The following ERAP1 variants were observed in gnomAD, a reference collection of about 807,000 sequenced individuals.
The protein encoded by ERAP1 is adipocyte-derived leucine aminopeptidase.
ERAP1 carries 86 observed loss-of-function variants against 103.7 expected under a neutral mutation model. The observed-to-expected ratio is 0.83, with a 90% CI of 0.70 to 0.99. The LOEUF (loss-of-function observed/expected upper bound fraction) is 0.99. Among genes scored for constraint, ERAP1 ranks in the 50% least tolerant of loss-of-function variants. ERAP1 has a pLI of 0.00. For synonymous variants in ERAP1, 398 were observed against 402.4 expected (o/e 0.99, Z 0.13); for missense variants, 1,009 against 1,128.4 (o/e 0.89, Z 1.52).
At chr5:96,917,533 G>A in the ERAP1 span, 6 of 1,613,732 alleles carry the variant, frequency 3.7e-6, no homozygotes, top group South Asian at 2.2e-5. Context: ...TTCTGGAAAC[G>A]ATAACCAAAA....
chr5:96,787,404 T>C (rs1262756468), intron 11 of ERAP1, among the ~76,000 whole-genome samples: 1 of 152,162 alleles, frequency 6.6e-6, no homozygotes, highest in Non-Finnish European at 1.5e-5. Flanking sequence ...TAGCTGGGAC[T>C]ACAGGCGCCC....
At chr5:96,880,182 T>C in the ERAP1 span, 2 of 1,614,094 alleles carry the variant, frequency 1.2e-6, no homozygotes, top group South Asian at 1.1e-5. Context: ...TATGTGGCTA[T>C]GGACTTCCAA....
At chr5:96,925,042 C>G in the ERAP1 span, among the ~76,000 whole-genome samples, 1 of 152,158 alleles carries the variant, frequency 6.6e-6, no homozygotes, top group Non-Finnish European at 1.5e-5. Context: ...GGCTTAGATG[C>G]CAACTCAACA....
At chr5:96,764,428 A>T (rs1289094633) in intron 19 of ERAP1, among the ~76,000 whole-genome samples, 1 of 152,102 alleles carries the variant, frequency 6.6e-6, no homozygotes. Flanking sequence ...GTTGTCCATA[A>T]TTTTTTTCCT....
chr5:96,796,883 C>G (rs182387458), intron 4 of ERAP1, among the ~76,000 whole-genome samples: 1 of 152,170 alleles, frequency 6.6e-6, no homozygotes. Context: ...GCCTCAAACT[C>G]CTGGGCTCAA....
At chr5:96,875,314 C>T in the ERAP1 span, among the ~76,000 whole-genome samples, 6 of 151,984 alleles carry the variant, frequency 3.9e-5, no homozygotes, top group African/African-American at 1.5e-4. Flanking sequence ...GCAGAAGGAT[C>T]ACTTGAGCCT....
chr5:96,913,377 T>G, the ERAP1 span: 1 of 1,614,060 alleles, frequency 6.2e-7, no homozygotes, highest in East Asian at 2.2e-5. Flanking sequence ...CAGCTCTCCT[T>G]CATGCGATTG....
At chr5:96,802,497 C>T (rs1362960338) in intron 2 of ERAP1, among the ~76,000 whole-genome samples, 1 of 152,058 alleles carries the variant, frequency 6.6e-6, no homozygotes, top group East Asian at 1.9e-4. Flanking sequence ...TACTTTCTTA[C>T]CTTGATAAAA....
rs1451468242 is a variant in ERAP1, at chr5:96,776,320, C to CCAT, written c.*73_*75dup. 8 of 1,554,282 alleles carry CCAT rather than the reference C, an allele frequency of 5.1e-6. No homozygotes were observed. The highest frequency in any genetic ancestry group is 6.1e-6 in the Non-Finnish European group (7 of 1,152,366). On this transcript the variant is annotated 3_prime_UTR_variant, in exon 19 of 19. Transcript: ENST00000443439. ...GTATCTCCAGTTGGAGCCAAAACAG[C>CCAT]CATCTCTAGTTTGAAAATACACTCA...
intron 2 of ERAP1, among the ~76,000 whole-genome samples, chr5:96,801,575 T>A (rs1174578974): frequency 6.6e-6 from 1 of 151,510 alleles, no homozygotes; most frequent in Non-Finnish European, 1.5e-5. Flanking sequence ...AAATATGTAA[T>A]CCTAAAAATG....
intron 4 of ERAP1, among the ~76,000 whole-genome samples, chr5:96,795,850 G>A (rs1379888171): frequency 6.6e-6 from 1 of 152,120 alleles, no homozygotes; most frequent in Non-Finnish European, 1.5e-5. Flanking sequence ...ATAAGCAAGA[G>A]CCAGCAGAAA....
the ERAP1 span, among the ~76,000 whole-genome samples, chr5:96,921,830 C>T: frequency 6.6e-6 from 1 of 152,132 alleles, no homozygotes; most frequent in African/African-American, 2.4e-5. Context: ...CTCATTCCTC[C>T]GTAAGGAATT....
At chr5:96,878,010 T>C in the ERAP1 span, among the ~76,000 whole-genome samples, 4 of 152,246 alleles carry the variant, frequency 2.6e-5, no homozygotes. Context: ...ACCTTCATGG[T>C]TTGAGTTGGA....
chr5:96,780,984 T>TACAA, intron 17 of ERAP1, 74 bp downstream of exon 17: 1 of 1,563,562 alleles, frequency 6.4e-7, no homozygotes, highest in Non-Finnish European at 8.8e-7. Context: ...ACTGTTCTTT[T>TACAA]ACAAACAGCA....
exon 20 of ERAP1, chr5:96,762,323 A>G (rs77824911): frequency 1.2e-6 from 2 of 1,608,744 alleles, no homozygotes; most frequent in East Asian, 4.5e-5. Context: ...GTGGTTTCCC[A>G]AACCCCAGCT....
At chr5:96,790,463 T>G (rs766495097) in intron 9 of ERAP1, 49 bp downstream of exon 9, 1 of 1,612,148 alleles carries the variant, frequency 6.2e-7, no homozygotes, top group East Asian at 2.2e-5. Flanking sequence ...CAAAACAAGA[T>G]GATAAGCCTG....
chr5:96,856,806 G>A, the ERAP1 span, among the ~76,000 whole-genome samples: 5 of 152,158 alleles, frequency 3.3e-5, no homozygotes, highest in Non-Finnish European at 7.3e-5. Context: ...AATTGGCACT[G>A]TTGGCTTTCT....
At chr5:96,880,683 A>G in the ERAP1 span, among the ~76,000 whole-genome samples, 79,088 of 152,014 alleles carry the variant, frequency 0.52, 20,757 homozygotes, top group South Asian at 0.61. Flanking sequence ...CATGACTCAT[A>G]TCGAATAGTC....
At chr5:96,782,781 T>TA (rs1305712192) in intron 15 of ERAP1, among the ~76,000 whole-genome samples, 1 of 152,210 alleles carries the variant, frequency 6.6e-6, no homozygotes, top group Admixed American at 6.5e-5. Flanking sequence ...CACCGTTTAA[T>TA]AAGATTTTGC....
Sources: gnomAD v4.1 joint callset for allele counts (sites outside exome capture counted in the v4.1 genomes callset) on GRCh38, gnomAD v4.1.1 for gene constraint, MANE v1.5 for transcripts, NCBI Gene and HGNC (gene_info 2026-07-23, HGNC 2026-07-21) for gene names.